SLC38A9: variants seen among roughly 807,000 people sequenced by gnomAD.
The protein encoded by SLC38A9 is neutral amino acid transporter 9.
In SLC38A9, 48 loss-of-function variants were observed where a neutral mutation model predicts 62.3. The observed-to-expected ratio is 0.77, with a 90% CI of 0.61 to 0.98. SLC38A9 has a LOEUF of 0.98. SLC38A9 is among the 50% of genes least tolerant of loss of function. The probability of loss-of-function intolerance (pLI) is 0.00; values close to 1 mark genes in which losing one functional copy is unlikely to be tolerated. For missense variants in SLC38A9, 541 were observed against 679.8 expected, an observed-to-expected ratio of 0.80 and a Z score of 2.27; for synonymous variants, 204 against 227.7, an observed-to-expected ratio of 0.90 and a Z score of 0.94.
chr5:55,686,755 T>C (rs1180242726), intron 3 of SLC38A9, among the ~76,000 whole-genome samples: 1 of 152,226 alleles, frequency 6.6e-6, no homozygotes, highest in Non-Finnish European at 1.5e-5. Context: ...TTTTAGGTTT[T>C]ATATTTAAGT....
intron 3 of SLC38A9, chr5:55,692,527 A>G (rs914780164): frequency 1.5e-6 from 1 of 663,634 alleles, no homozygotes; most frequent in African/African-American, 2.0e-5. Context: ...AAATTATTCC[A>G]CAAGCAAATT....
Position 55,651,397 on chromosome 5 carries a change from CA to C in SLC38A9, c.952+1131del, listed in dbSNP as rs570737819. 5.4e-3 allele frequency among the ~76,000 whole-genome samples: 821 copies of C among 151,780 alleles called. 8 individuals are homozygous for C. Among genetic ancestry groups the C allele is most frequent in the African/African-American group, 0.019 (795 of 41,358 alleles). The stretch of plus-strand genomic sequence containing the variant: ...CCCAAGTAGCTGGGATTACAGGCAC[CA>C]GCCACCACGCCCGGCTAATTTTTCT... On this transcript the variant is annotated intron_variant, in intron 10 of 15. Transcript: ENST00000396865.
At chr5:55,633,952 C>G (rs114244819) in intron 13 of SLC38A9, 50 bp from the exon 14 acceptor site, 1 of 1,396,012 alleles carries the variant, frequency 7.2e-7, no homozygotes, top group East Asian at 2.3e-5. Context: ...ATTCAGTACA[C>G]ACATTCATAA....
intron 3 of SLC38A9, among the ~76,000 whole-genome samples, chr5:55,688,391 T>TTC (rs1461307437): frequency 1.4e-5 from 2 of 147,528 alleles, no homozygotes; most frequent in Non-Finnish European, 3.0e-5. Flanking sequence ...TTTTTTTTTT[T>TTC]TTTTTTTTAA....
At chr5:55,693,665 G>C (rs1375243920) in intron 3 of SLC38A9, among the ~76,000 whole-genome samples, 1 of 152,134 alleles carries the variant, frequency 6.6e-6, no homozygotes, top group Non-Finnish European at 1.5e-5. Context: ...AGCAGAATAT[G>C]CCTCATTTAA....
intron 3 of SLC38A9, among the ~76,000 whole-genome samples, chr5:55,675,673 C>T (rs2150381092): frequency 6.6e-6 from 1 of 152,150 alleles, no homozygotes; most frequent in Admixed American, 6.5e-5. Flanking sequence ...TTTGTCTTAC[C>T]TTATAAATAT....
intron 10 of SLC38A9, among the ~76,000 whole-genome samples, chr5:55,651,748 T>C (rs1438610134): frequency 3.3e-5 from 5 of 152,188 alleles, no homozygotes; most frequent in Non-Finnish European, 5.9e-5. Flanking sequence ...GTGACAATTC[T>C]GCACAATACT....
In SLC38A9 at chr5:55,627,918, A is replaced by T. The variant is rs750748114; in HGVS notation, c.1493T>A (p.Phe498Tyr). ...TATGATCCCTCCTATGTTTGGGTAG[A>T]AACAGGCCATGATCACTCCAGCTCC... ...IVGAGVIMAC[F>Y]YPNIGGIIRY... The change falls in exon 15 of 16, where the codon TTC becomes TAC. Residue 498 changes from phenylalanine to tyrosine, a missense_variant. By Grantham distance (22) the Phe-to-Tyr change is conservative (BLOSUM62 3). Transcript: ENST00000396865. 1 of 1,612,418 alleles carries T rather than the reference A, an allele frequency of 6.2e-7. No individual in the cohort carries two copies.
At chr5:55,631,105 C>T (rs1743356439) in intron 14 of SLC38A9, among the ~76,000 whole-genome samples, 1 of 152,086 alleles carries the variant, frequency 6.6e-6, no homozygotes, top group Non-Finnish European at 1.5e-5. Flanking sequence ...TGCACTCCAG[C>T]CTGGGCGACA....
At chr5:55,664,458 T>C in intron 8 of SLC38A9, 1 of 225,760 alleles carries the variant, frequency 4.4e-6, no homozygotes, top group Non-Finnish European at 8.6e-6. Context: ...TTATTTTAAC[T>C]AAAGATTTTG....
intron 4 of SLC38A9, among the ~76,000 whole-genome samples, chr5:55,672,262 C>T (rs1204654284): frequency 6.6e-6 from 1 of 152,150 alleles, no homozygotes; most frequent in East Asian, 1.9e-4. Flanking sequence ...AGTCAATGGC[C>T]TAACTTGCCA....
intron 2 of SLC38A9, among the ~76,000 whole-genome samples, chr5:55,707,952 C>G (rs1757501250): frequency 6.6e-6 from 1 of 152,178 alleles, no homozygotes; most frequent in South Asian, 2.1e-4. Flanking sequence ...AAGGCACCAT[C>G]TTGGAAGCAG....
intron 3 of SLC38A9, among the ~76,000 whole-genome samples, chr5:55,695,341 A>G (rs1755351883): frequency 1.1e-5 from 1 of 91,484 alleles, no homozygotes. Flanking sequence ...GTCATAGGAC[A>G]ATAGTGGAGG....
chr5:55,656,837 T>A, intron 8 of SLC38A9, 63 bp from the exon 9 acceptor site: 1 of 773,038 alleles, frequency 1.3e-6, no homozygotes, highest in African/African-American at 1.9e-5. Flanking sequence ...TATTACCCTT[T>A]AAGGTCTTTT....
intron 8 of SLC38A9, chr5:55,658,046 A>G (rs1034079043): frequency 1.3e-5 from 2 of 152,254 alleles, no homozygotes; most frequent in African/African-American, 4.8e-5. Flanking sequence ...TATGTCCACT[A>G]GAAACCTCAG....
At chr5:55,634,607 A>T (rs929635550) in intron 13 of SLC38A9, 3 of 152,310 alleles carry the variant, frequency 2.0e-5, no homozygotes, top group Middle Eastern at 3.4e-3. Context: ...GCCAGCAAAC[A>T]TTTGGCTGCC....
At chr5:55,697,410 T>C (rs1756038602) in intron 3 of SLC38A9, among the ~76,000 whole-genome samples, 2 of 152,228 alleles carry the variant, frequency 1.3e-5, no homozygotes, top group Non-Finnish European at 2.9e-5. Flanking sequence ...GTGGATTCTT[T>C]TGGGTTTTAC....
At chr5:55,665,800 A>C (rs13173055) in intron 7 of SLC38A9, among the ~76,000 whole-genome samples, 90,735 of 151,522 alleles carry the variant, frequency 0.6, 27,750 homozygotes, top group South Asian at 0.7. Context: ...CCCATATTTA[A>C]AAAAATACAA....
At chr5:55,700,759 TC>T (rs1392856445) in intron 2 of SLC38A9, among the ~76,000 whole-genome samples, 11 of 152,334 alleles carry the variant, frequency 7.2e-5, no homozygotes, top group Admixed American at 2.6e-4. Context: ...TATTTCTCAG[TC>T]CTTAACTTAC....
Sources: gnomAD v4.1 joint callset for allele counts (sites outside exome capture counted in the v4.1 genomes callset) on GRCh38, gnomAD v4.1.1 for gene constraint, MANE v1.5 for transcripts, NCBI Gene and HGNC (gene_info 2026-07-23, HGNC 2026-07-21) for gene names.